RPS19: variants seen among roughly 807,000 people sequenced by gnomAD.
RPS19 encodes small ribosomal subunit protein eS19.
Under a neutral mutation model 20.3 loss-of-function variants are expected in RPS19, and 1 was observed. That is an observed-to-expected ratio of 0.05 (90% CI 0.02 to 0.23). The LOEUF (loss-of-function observed/expected upper bound fraction) is 0.23. RPS19 is among the 10% of genes least tolerant of loss of function. The probability of loss-of-function intolerance (pLI) is 1.00; values close to 1 mark genes in which losing one functional copy is unlikely to be tolerated. For missense variants in RPS19, 111 were observed against 192.7 expected (o/e 0.58, Z 2.51); for synonymous variants, 87 against 74.8 (o/e 1.16, Z -0.84).
chr19:41,862,621 T>C (rs985504124), intron 3 of RPS19, among the ~76,000 whole-genome samples: 59 of 148,794 alleles, frequency 4.0e-4, no homozygotes, highest in Non-Finnish European at 4.7e-4. Context: ...AGTAGGACTG[T>C]ATGTGTCTTG....
At chr19:41,860,872 C>A (rs371017990) in intron 2 of RPS19, 27 bp downstream of exon 2, 1 of 1,589,398 alleles carries the variant, frequency 6.3e-7, no homozygotes, top group Non-Finnish European at 8.6e-7. Flanking sequence ...AGGTTCAAAA[C>A]GGGTGGAGGC....
At chr19:41,868,867 CG>C (rs575815332) in intron 3 of RPS19, among the ~76,000 whole-genome samples, 163 bp from the exon 4 acceptor site, 40 of 144,524 alleles carry the variant, frequency 2.8e-4, no homozygotes, top group Non-Finnish European at 1.5e-4. Context: ...AAGAGCTAGC[CG>C]GGGGGGTGGG....
chr19:41,870,579 A>G (rs1555841755), intron 5 of RPS19, among the ~76,000 whole-genome samples: 3 of 146,162 alleles, frequency 2.1e-5, no homozygotes, highest in African/African-American at 8.4e-5. Flanking sequence ...GGAGTCAGTG[A>G]GCTATAGTAC....
At chr19:41,866,888 G>T (rs1220069764) in intron 3 of RPS19, among the ~76,000 whole-genome samples, 4 of 152,082 alleles carry the variant, frequency 2.6e-5, no homozygotes, top group Admixed American at 6.6e-5. Context: ...GTGGTGGCGG[G>T]CCCCTGTAGT....
At chr19:41,870,836 C>T (rs946576854) in intron 5 of RPS19, among the ~76,000 whole-genome samples, 14 of 146,638 alleles carry the variant, frequency 9.5e-5, no homozygotes, top group East Asian at 4.0e-4. Flanking sequence ...GACTCCACTC[C>T]GCCACTCCCT....
intron 3 of RPS19, among the ~76,000 whole-genome samples, chr19:41,863,242 C>T (rs1423831670): frequency 1.3e-5 from 2 of 152,136 alleles, no homozygotes; most frequent in African/African-American, 2.4e-5. Flanking sequence ...CAAGCTCAAG[C>T]GGTCCTCCCG....
At chr19:41,862,187 C>T (rs192278303) in intron 3 of RPS19, among the ~76,000 whole-genome samples, 34 of 152,256 alleles carry the variant, frequency 2.2e-4, no homozygotes, top group African/African-American at 8.2e-4. Context: ...AAAGAGTTGG[C>T]CTTGGTACAG....
At chr19:41,865,451 T>G (rs1277794601) in intron 3 of RPS19, among the ~76,000 whole-genome samples, 1 of 151,816 alleles carries the variant, frequency 6.6e-6, no homozygotes, top group Non-Finnish European at 1.5e-5. Flanking sequence ...AGTGTCTCCT[T>G]TAGTACCGCA....
At chr19:41,863,069 G>C (rs2074049409) in intron 3 of RPS19, among the ~76,000 whole-genome samples, 1 of 152,166 alleles carries the variant, frequency 6.6e-6, no homozygotes, top group South Asian at 2.1e-4. Context: ...TGTCACCCAG[G>C]TTGGAGTGCA....
chr19:41,860,798 C>T lies in RPS19; in HGVS notation c.24C>T (p.Asp8=), dbSNP rs782536520. The T allele has an allele frequency of 6.2e-7, 1 of 1,613,844 alleles. No individual in the cohort carries two copies. Among genetic ancestry groups the T allele is most frequent in the Admixed American group, 1.7e-5 (1 of 59,996 alleles). The change falls in exon 2 of 6, where the codon GAC becomes GAT. Residue 8 remains aspartate (D), a synonymous_variant. Transcript: ENST00000598742. ...AGATGCCTGGAGTTACTGTAAAAGA[C>T]GTGAACCAGCAGGAGTTCGTCAGAG... MPGVTVK[D]VNQQEFVRAL... is the part of the protein sequence containing the mutation.
At chr19:41,861,363 C>T (rs1389612986) in intron 3 of RPS19, 151 bp downstream of exon 3, 3 of 672,938 alleles carry the variant, frequency 4.5e-6, no homozygotes, top group South Asian at 1.6e-5. Flanking sequence ...ATGTGACATT[C>T]GATAACTTGG....
chr19:41,861,058 G>A, intron 2 of RPS19, 54 bp from the exon 3 acceptor site: 2 of 1,366,296 alleles, frequency 1.5e-6, no homozygotes, highest in Non-Finnish European at 2.1e-6. Flanking sequence ...TTTGGGATAT[G>A]GGGTAGTTTG....
rs531946233 is a variant in RPS19 at position 41,866,492 on chromosome 19, A to G, written c.173-2539A>G. 6.3e-4 allele frequency among the ~76,000 whole-genome samples: 96 copies of G among 152,222 alleles called. 1 individual carries two copies. Among genetic ancestry groups the G allele is most frequent in the African/African-American group, 1.9e-3 (80 of 41,538 alleles). ...TGGCTTACGCCAGGTGAGTCTGTCT[A>G]TTGGTCCTGGTTATGGGCACTTATT... On this transcript the variant is annotated intron_variant, in intron 3 of 5. Coordinates refer to ENST00000598742, the MANE Select transcript of RPS19 (RefSeq NM_001022.4).
intron 3 of RPS19, among the ~76,000 whole-genome samples, chr19:41,867,285 A>G (rs934148337): frequency 1.1e-4 from 17 of 151,864 alleles, no homozygotes; most frequent in Non-Finnish European, 2.1e-4. Context: ...AAAAAAGTAT[A>G]ATATTTGCAT....
chr19:41,861,518 C>T (rs1555839292), intron 3 of RPS19: 1 of 401,446 alleles, frequency 2.5e-6, no homozygotes, highest in East Asian at 5.7e-5. Context: ...GGCAGACTCC[C>T]TGGGTTTGGA....
At chr19:41,865,807 GGC>G in intron 3 of RPS19, among the ~76,000 whole-genome samples, 1 of 151,372 alleles carries the variant, frequency 6.6e-6, no homozygotes, top group Non-Finnish European at 1.5e-5. Context: ...AAATTAGCCG[GGC>G]GTGGTGGCGG....
At chr19:41,861,059 G>T in intron 2 of RPS19, 53 bp from the exon 3 acceptor site, 1 of 1,373,348 alleles carries the variant, frequency 7.3e-7, no homozygotes, top group South Asian at 1.2e-5. Context: ...TTGGGATATG[G>T]GGTAGTTTGT....
chr19:41,868,573 C>T (rs1555841178), intron 3 of RPS19, among the ~76,000 whole-genome samples: 1 of 152,174 alleles, frequency 6.6e-6, no homozygotes, highest in East Asian at 1.9e-4. Context: ...CCTGTGTCTG[C>T]AGAGGGGCTG....
chr19:41,869,250 G>A (rs782574491), intron 4 of RPS19, 36 bp downstream of exon 4: 8 of 1,571,816 alleles, frequency 5.1e-6, no homozygotes, highest in Non-Finnish European at 6.1e-6. Flanking sequence ...TGATGGAGTA[G>A]CCTTGAGGCC....
Sources: allele counts gnomAD v4.1 joint callset (sites outside exome capture counted in the v4.1 genomes callset), GRCh38; gene constraint gnomAD v4.1.1; transcripts MANE v1.5; gene names NCBI Gene and HGNC (gene_info 2026-07-23, HGNC 2026-07-21).